DNAH7: variants seen among roughly 807,000 people sequenced by gnomAD.
The protein encoded by DNAH7 is axonemal beta dynein heavy chain 7.
DNAH7 carries 397 observed loss-of-function variants against 444.6 expected under a neutral mutation model. The observed-to-expected ratio is 0.89, with a 90% CI of 0.82 to 0.97. The LOEUF is 0.97. Ranked by LOEUF, DNAH7 falls within the 50% of genes least tolerant of loss-of-function variation. DNAH7 has a pLI of 0.00. For synonymous variants in DNAH7, 1,636 were observed against 1,624.4 expected, an observed-to-expected ratio of 1.01 and a Z score of -0.17; for missense variants, 4,902 against 4,800.8, an observed-to-expected ratio of 1.02 and a Z score of -0.62.
chr2:195,930,983 C>T (rs1453412856), intron 21 of DNAH7, among the ~76,000 whole-genome samples: 2 of 151,966 alleles, frequency 1.3e-5, no homozygotes, highest in Non-Finnish European at 2.9e-5. Flanking sequence ...ACCTTAGGTA[C>T]TCATGGTCAC....
chr2:195,809,703 GTTA>G (rs974878129), intron 52 of DNAH7, 39 bp downstream of exon 52: 2 of 1,460,344 alleles, frequency 1.4e-6, no homozygotes, highest in Middle Eastern at 1.8e-4. Context: ...ATGAATCAGC[GTTA>G]TTAAGGGTTT....
At position 195,855,925 on chromosome 2, in the gene DNAH7, G is replaced by A. The variant is rs1699677345; in HGVS notation, c.8481C>T (p.Ala2827=). 6.2e-7 allele frequency: 1 copy of A among 1,613,560 alleles called. No individual in the cohort carries two copies. The highest frequency in any genetic ancestry group is 1.3e-5 in the African/African-American group (1 of 74,876). ...CCTGCTTCTTTCTAAGACCATCCAT[G>A]GCAATTTTAAGCTCCCCTTCAGCTG... ...LAAAEGELKI[A]MDGLRKKQAA... is the part of the protein sequence containing the mutation. The change falls in exon 45 of 65, where the codon GCC becomes GCT. Residue 2827 remains alanine, a synonymous_variant. Coordinates refer to ENST00000312428, the MANE Select transcript of DNAH7 (RefSeq NM_018897.3).
chr2:195,737,903 G>GGAAAT lies in DNAH7; in HGVS notation c.*13_*17dup, dbSNP rs774481246. On this transcript the variant is annotated 3_prime_UTR_variant, in exon 65 of 65. Coordinates refer to ENST00000312428, the MANE Select transcript of DNAH7 (RefSeq NM_018897.3). ...GCCAGCCAACAAGAAATAGGAACAA[G>GGAAAT]GAAATGATGTCTTCTGGTTATGAAT... The GGAAAT allele has an allele frequency of 5.6e-6, 9 of 1,601,112 alleles. No individual in the cohort carries two copies. In the African/African-American group the frequency reaches 9.4e-5, roughly 17 times the overall value.
rs752664294 is a variant in DNAH7, at chr2:195,906,935, A to G, written c.4179T>C (p.Val1393=). ...TTTGGATAGTAAGGATTTGTTGAGC[A>G]ACCACAGAGAGTACTTCCAAATCAA... ...NRIDLEVLSV[V]AQQILTIQRG... Residue 1393 remains valine (V), a synonymous_variant, in exon 26 of 65, where the codon GTT becomes GTC. Transcript: ENST00000312428. The G allele has an allele frequency of 6.2e-7, 1 of 1,613,204 alleles. No individual in the cohort carries two copies. The highest frequency in any genetic ancestry group is 8.5e-7 in the Non-Finnish European group (1 of 1,179,514).
At chr2:195,906,251 A>C (rs1687008055) in intron 27 of DNAH7, among the ~76,000 whole-genome samples, 1 of 152,060 alleles carries the variant, frequency 6.6e-6, no homozygotes, top group Admixed American at 6.6e-5. Context: ...AAAAATAAAT[A>C]TTTTGGGAAT....
At chr2:195,941,716 A>T (rs1689463224) in intron 19 of DNAH7, among the ~76,000 whole-genome samples, 1 of 152,146 alleles carries the variant, frequency 6.6e-6, no homozygotes, top group Admixed American at 6.6e-5. Flanking sequence ...TAAGATCCTC[A>T]TTAAACCTTT....
At chr2:195,937,368 C>T (rs949756887) in intron 19 of DNAH7, among the ~76,000 whole-genome samples, 23 of 152,136 alleles carry the variant, frequency 1.5e-4, no homozygotes, top group African/African-American at 5.5e-4. Flanking sequence ...TCAAGGTGTG[C>T]TCTTCCTGAA....
chr2:195,842,055 T>C (rs1292070920), intron 47 of DNAH7, among the ~76,000 whole-genome samples: 1 of 152,086 alleles, frequency 6.6e-6, no homozygotes, highest in Non-Finnish European at 1.5e-5. Flanking sequence ...TCTTCTCAGT[T>C]ATTATTGCTA....
intron 33 of DNAH7, among the ~76,000 whole-genome samples, chr2:195,886,601 C>A (rs1017422019): frequency 6.6e-6 from 1 of 152,232 alleles, no homozygotes; most frequent in Middle Eastern, 3.4e-3. Flanking sequence ...CAGTTAATTT[C>A]TATATCTAAA....
chr2:195,803,904 A>C (rs542998489), intron 54 of DNAH7, among the ~76,000 whole-genome samples: 12 of 152,192 alleles, frequency 7.9e-5, no homozygotes, highest in Non-Finnish European at 1.6e-4. Flanking sequence ...AAACACTATA[A>C]ACTATTAAAT....
chr2:195,947,352 G>T (rs946980496), intron 19 of DNAH7, among the ~76,000 whole-genome samples: 1 of 151,892 alleles, frequency 6.6e-6, no homozygotes, highest in Non-Finnish European at 1.5e-5. Flanking sequence ...GTGCAGGTTT[G>T]TTACATAGGT....
chr2:195,992,961 A>G (rs1273159084), intron 12 of DNAH7, among the ~76,000 whole-genome samples: 1 of 152,210 alleles, frequency 6.6e-6, no homozygotes, highest in Non-Finnish European at 1.5e-5. Context: ...ACACAGTGGG[A>G]GCCCCCTGTT....
chr2:196,007,690 G>C (rs922936513), intron 10 of DNAH7, among the ~76,000 whole-genome samples: 1 of 152,130 alleles, frequency 6.6e-6, no homozygotes, highest in Non-Finnish European at 1.5e-5. Flanking sequence ...AGATTTGTTG[G>C]TTTTATAAAT....
intron 7 of DNAH7, 109 bp from the exon 8 acceptor site, chr2:196,024,613 A>C (rs1365660690): frequency 3.5e-6 from 2 of 575,944 alleles, no homozygotes; most frequent in Non-Finnish European, 5.5e-6. Context: ...AATTATATTA[A>C]AGTTGTTTAA....
At chr2:196,020,612 G>GT (rs201513142) in intron 8 of DNAH7, among the ~76,000 whole-genome samples, 22,661 of 133,600 alleles carry the variant, frequency 0.17, 2,194 homozygotes, top group Middle Eastern at 0.31. Context: ...TGGGGCTTTT[G>GT]TTTTTTTTTT....
rs374978907 is a variant in DNAH7 at position 195,873,670 on chromosome 2, G to C, written c.6311C>G (p.Pro2104Arg). ...PPGGGRNPVT[P>R]RYMRHFNIIT... ...AATATTGAAATGTCGCATGTATCGA[G>C]GAGTTACTGGATTTCGACCACCACC... is the stretch of plus-strand genomic sequence containing the variant. The change falls in exon 39 of 65, where the codon CCT (proline) becomes CGT (arginine). Residue 2104 changes from proline (P) to arginine (R), a missense_variant. Coordinates refer to ENST00000312428, the MANE Select transcript of DNAH7 (RefSeq NM_018897.3). 20 of 1,532,126 alleles carry C rather than the reference G, an allele frequency of 1.3e-5. No homozygotes were observed. The African/African-American group carries it at 2.0e-4, about 15-fold the overall frequency. The allele number at this position is 1,532,126 out of a possible 1,614,324, so 94.9% of individuals were successfully genotyped here.
At chr2:195,991,362 T>G (rs1335145588) in intron 12 of DNAH7, among the ~76,000 whole-genome samples, 1 of 152,192 alleles carries the variant, frequency 6.6e-6, no homozygotes, top group Non-Finnish European at 1.5e-5. Context: ...TAAGTTGTCA[T>G]GCACACAGTG....
At chr2:195,883,493 C>G (rs1701541425) in intron 35 of DNAH7, among the ~76,000 whole-genome samples, 2 of 146,560 alleles carry the variant, frequency 1.4e-5, no homozygotes, top group Non-Finnish European at 3.0e-5. Context: ...CTGAAATGTA[C>G]TGTTATTTAG....
intron 27 of DNAH7, chr2:195,902,684 A>T (rs1574717150): frequency 6.6e-6 from 1 of 152,208 alleles, no homozygotes; most frequent in East Asian, 1.9e-4. Flanking sequence ...TGAAGCAGAC[A>T]TATTTCTGAC....
Sources: allele counts gnomAD v4.1 joint callset (sites outside exome capture counted in the v4.1 genomes callset), GRCh38; gene constraint gnomAD v4.1.1; transcripts MANE v1.5; gene names NCBI Gene and HGNC (gene_info 2026-07-23, HGNC 2026-07-21).